The following DLC1 variants were observed in gnomAD, a reference collection of about 807,000 sequenced individuals.
The protein encoded by DLC1 is DLC1 Rho GTPase activating protein, also known as rho GTPase-activating protein 7.
Under a neutral mutation model 140.3 loss-of-function variants are expected in DLC1, and 54 were observed. The ratio of observed to expected loss-of-function variants is 0.38; its 90% CI spans 0.31 to 0.48. DLC1 has a LOEUF of 0.48. Ranked by LOEUF, DLC1 falls within the 20% of genes least tolerant of loss-of-function variation. The probability of loss-of-function intolerance (pLI) is 0.96; values close to 1 mark genes in which losing one functional copy is unlikely to be tolerated. For synonymous variants in DLC1, 986 were observed against 728.1 expected (o/e 1.35, Z -5.70); for missense variants, 2,536 against 1,907.0 (o/e 1.33, Z -6.14).
At chr8:13,530,649 A>G (rs900282060) in intron 1 of DLC1, among the ~76,000 whole-genome samples, 1 of 152,176 alleles carries the variant, frequency 6.6e-6, no homozygotes, top group African/African-American at 2.4e-5. Context: ...GGTTGTCTGA[A>G]TAGTTGTTTC....
At chr8:13,307,781 C>T (rs1832510150) in intron 4 of DLC1, among the ~76,000 whole-genome samples, 2 of 152,124 alleles carry the variant, frequency 1.3e-5, no homozygotes, top group South Asian at 2.1e-4. Flanking sequence ...CTTTAGAACA[C>T]CCTGTAAAAT....
intron 1 of DLC1, among the ~76,000 whole-genome samples, chr8:13,529,101 C>T (rs1038675663): frequency 1.3e-5 from 2 of 151,978 alleles, no homozygotes; most frequent in African/African-American, 4.8e-5. Context: ...GATGTATAAG[C>T]GAACAGAATA....
At chr8:13,287,144 A>G (rs1831560664) in intron 5 of DLC1, among the ~76,000 whole-genome samples, 1 of 152,174 alleles carries the variant, frequency 6.6e-6, no homozygotes, top group African/African-American at 2.4e-5. Flanking sequence ...CTCTTCAACT[A>G]AACAGCTGGG....
intron 4 of DLC1, among the ~76,000 whole-genome samples, chr8:13,306,069 C>T (rs1832410089): frequency 6.6e-6 from 1 of 152,062 alleles, no homozygotes; most frequent in Non-Finnish European, 1.5e-5. Flanking sequence ...TCTAGATAAT[C>T]ACATCTACTT....
intron 5 of DLC1, among the ~76,000 whole-genome samples, chr8:13,218,445 C>T (rs1828317628): frequency 6.6e-6 from 1 of 151,920 alleles, no homozygotes; most frequent in African/African-American, 2.4e-5. Context: ...AAAGAGACAA[C>T]CCAAATAATA....
intron 2 of DLC1, among the ~76,000 whole-genome samples, chr8:13,445,724 G>A (rs1490645860): frequency 6.6e-6 from 1 of 152,150 alleles, no homozygotes; most frequent in South Asian, 2.1e-4. Context: ...TACAACAGCT[G>A]TAGGAGAAAG....
intron 5 of DLC1, among the ~76,000 whole-genome samples, chr8:13,123,439 C>T (rs1477857677): frequency 1.3e-5 from 2 of 151,904 alleles, no homozygotes; most frequent in Non-Finnish European, 2.9e-5. Context: ...CTCCCAGGTT[C>T]AAGCGATTCT....
At chr8:13,376,162 C>T (rs1047701867) in intron 4 of DLC1, among the ~76,000 whole-genome samples, 1 of 152,130 alleles carries the variant, frequency 6.6e-6, no homozygotes. Flanking sequence ...ATTTCTTATG[C>T]TTCATGTCTG....
At chr8:13,453,552 ATATATT>A (rs1199614219) in intron 2 of DLC1, among the ~76,000 whole-genome samples, 19 of 75,796 alleles carry the variant, frequency 2.5e-4, no homozygotes, top group South Asian at 3.8e-4. Flanking sequence ...ATATATATAT[ATATATT>A]TTTTTTTTTT....
In DLC1 at chr8:13,408,777, A is replaced by G. The variant is rs559169392; in HGVS notation, c.1024-7158T>C. Among the ~76,000 whole-genome samples, 8 of 152,278 alleles carry G rather than the reference A, an allele frequency of 5.3e-5. No homozygotes were observed. In the East Asian group the frequency reaches 1.5e-3, roughly 29 times the overall value. Reference sequence around the variant, plus strand: ...TATCATGCTTATGTGGTATCTGCCAATTCCTGTGACTCTTTTTTATTTTTA... The same window carrying G: ...TATCATGCTTATGTGGTATCTGCCAGTTCCTGTGACTCTTTTTTATTTTTA... On this transcript the variant is annotated intron_variant, in intron 2 of 17. Coordinates refer to ENST00000276297, the MANE Select transcript of DLC1 (RefSeq NM_182643.3).
intron 1 of DLC1, among the ~76,000 whole-genome samples, chr8:13,500,820 C>T (rs561415167): frequency 2.2e-3 from 15 of 6,744 alleles, no homozygotes; most frequent in African/African-American, 2.5e-3. Context: ...TAACACATAC[C>T]ATTTACAATT....
At chr8:13,280,118 A>G (rs1831313202) in intron 5 of DLC1, among the ~76,000 whole-genome samples, 1 of 148,450 alleles carries the variant, frequency 6.7e-6, no homozygotes, top group African/African-American at 2.5e-5. Flanking sequence ...GTCTCTACTA[A>G]AAATACAAAA....
rs1256572832 is a variant in DLC1 at position 13,345,592 on chromosome 8, C to T, written c.1315-40290G>A. 7.3e-5 allele frequency among the ~76,000 whole-genome samples: 8 copies of T among 110,044 alleles called. No individual in the cohort carries two copies. The South Asian group carries it at 2.6e-3, about 36-fold the overall frequency. The allele number at this position is 110,044 out of a possible 152,430, so 72.2% of individuals were successfully genotyped here. A position where few individuals can be genotyped will look rare whatever the true frequency, so the allele number is the denominator to read the frequency against. Reference sequence around the variant, plus strand: ...TTTTGGAGATGGAGTCTTGCTGTATCACCCAGATTGGAGTGCAGTGGTACC... The same window carrying T: ...TTTTGGAGATGGAGTCTTGCTGTATTACCCAGATTGGAGTGCAGTGGTACC... On this transcript the variant is annotated intron_variant, in intron 4 of 17. Transcript: ENST00000276297.
At chr8:13,340,962 C>T (rs1049722932) in intron 4 of DLC1, 4 of 152,176 alleles carry the variant, frequency 2.6e-5, no homozygotes, top group African/African-American at 9.7e-5. Flanking sequence ...TCGGCTGGCA[C>T]CCATGTCATG....
intron 2 of DLC1, among the ~76,000 whole-genome samples, chr8:13,448,976 T>C (rs894525371): frequency 2.0e-5 from 3 of 152,194 alleles, no homozygotes; most frequent in Non-Finnish European, 2.9e-5. Context: ...TTAGACATTT[T>C]TGTTTAGAGA....
intron 2 of DLC1, among the ~76,000 whole-genome samples, chr8:13,433,919 G>A (rs527627120): frequency 7.9e-5 from 12 of 152,074 alleles, no homozygotes; most frequent in Non-Finnish European, 1.8e-4. Flanking sequence ...GCAATGGCAC[G>A]ATCTCGGCTC....
chr8:13,175,005 C>T (rs1825681383), intron 5 of DLC1, among the ~76,000 whole-genome samples: 1 of 145,740 alleles, frequency 6.9e-6, no homozygotes. Context: ...TAAAGTCTTA[C>T]ATTTAAGCCT....
chr8:13,426,234 A>C (rs575339673), intron 2 of DLC1, among the ~76,000 whole-genome samples: 1 of 152,214 alleles, frequency 6.6e-6, no homozygotes, highest in Non-Finnish European at 1.5e-5. Context: ...GATATAGGGA[A>C]ATTATAGTCA....
chr8:13,296,677 A>G (rs1283753865), intron 5 of DLC1, among the ~76,000 whole-genome samples: 1 of 152,058 alleles, frequency 6.6e-6, no homozygotes, highest in Non-Finnish European at 1.5e-5. Flanking sequence ...AAGATATCAC[A>G]TGGCATGCGG....
Sources: gnomAD v4.1 joint callset for allele counts (sites outside exome capture counted in the v4.1 genomes callset) on GRCh38, gnomAD v4.1.1 for gene constraint, MANE v1.5 for transcripts, NCBI Gene and HGNC (gene_info 2026-07-23, HGNC 2026-07-21) for gene names.